Variants in NCOA5 observed in about 807,000 individuals in gnomAD.
NCOA5 encodes the protein nuclear receptor coactivator 5, also known as NCoA-5.
NCOA5 carries 12 observed loss-of-function variants against 59.0 expected under a neutral mutation model. The ratio of observed to expected loss-of-function variants is 0.20; its 90% CI spans 0.13 to 0.33. The LOEUF is 0.33. Ranked by LOEUF, NCOA5 falls within the 10% of genes least tolerant of loss-of-function variation. The pLI is 1.00. For synonymous variants in NCOA5, 270 were observed against 275.5 expected (o/e 0.98, Z 0.20); for missense variants, 655 against 766.6 (o/e 0.85, Z 1.72).
At position 46,089,842 on chromosome 20, in the gene NCOA5, C is replaced by A. The variant is rs1020587121; in HGVS notation, c.-55G>T. ...CGCTACCAGCGCGGCGGGCTCCCGG[C>A]CGCTCCTTCGCCTCAGGCCCGCCGC... On this transcript the variant is annotated 5_prime_UTR_variant, in exon 1 of 8. Transcript: ENST00000290231. 6.6e-6 allele frequency: 1 copy of A among 152,216 alleles called. No homozygotes were observed. Among genetic ancestry groups the A allele is most frequent in the Non-Finnish European group, 1.5e-5 (1 of 68,074 alleles). The allele number at this position is 152,216 out of a possible 1,614,324, so 9.4% of individuals were successfully genotyped here.
chr20:46,067,618 GTTC>G (rs906860958), intron 4 of NCOA5, among the ~76,000 whole-genome samples: 6 of 150,474 alleles, frequency 4.0e-5, no homozygotes, highest in Non-Finnish European at 8.9e-5. Flanking sequence ...AAATTTAAAA[GTTC>G]TTTTTTTAAA....
intron 1 of NCOA5, among the ~76,000 whole-genome samples, 168 bp downstream of exon 1, chr20:46,089,649 C>T (rs978963364): frequency 6.6e-6 from 1 of 152,020 alleles, no homozygotes; most frequent in African/African-American, 2.4e-5. Flanking sequence ...CGGCCGCGCC[C>T]CGCACCGGGC....
At chr20:46,082,445 G>C (rs2085001656) in intron 1 of NCOA5, among the ~76,000 whole-genome samples, 1 of 152,158 alleles carries the variant, frequency 6.6e-6, no homozygotes, top group South Asian at 2.1e-4. Context: ...CAACAAGAGG[G>C]AAGTGGCAAC....
chr20:46,074,224 A>G (rs991159624), intron 2 of NCOA5, among the ~76,000 whole-genome samples: 5 of 152,144 alleles, frequency 3.3e-5, no homozygotes, highest in Non-Finnish European at 5.9e-5. Context: ...TGGCCCCAAC[A>G]TATTTTTCAA....
intron 4 of NCOA5, among the ~76,000 whole-genome samples, chr20:46,067,808 A>C (rs1221277842): frequency 6.6e-6 from 1 of 152,162 alleles, no homozygotes; most frequent in Non-Finnish European, 1.5e-5. Flanking sequence ...GCTGTTAGGT[A>C]AAAGTTATAA....
At chr20:46,089,519 A>T (rs910035073) in intron 1 of NCOA5, among the ~76,000 whole-genome samples, 15 of 152,156 alleles carry the variant, frequency 9.9e-5, no homozygotes, top group African/African-American at 3.6e-4. Flanking sequence ...GAGGACTCCT[A>T]GTGACCGACC....
chr20:46,066,983 G>A (rs1392305357), intron 5 of NCOA5, 72 bp downstream of exon 5: 3 of 1,534,974 alleles, frequency 2.0e-6, no homozygotes, highest in Non-Finnish European at 2.7e-6. Flanking sequence ...TCAGTGGATA[G>A]AGGTGCTAAA....
At chr20:46,085,817 C>T (rs937578207) in intron 1 of NCOA5, among the ~76,000 whole-genome samples, 4 of 152,060 alleles carry the variant, frequency 2.6e-5, no homozygotes, top group African/African-American at 4.8e-5. Flanking sequence ...AACTGAACTA[C>T]CACAGAGTCT....
intron 1 of NCOA5, among the ~76,000 whole-genome samples, chr20:46,083,482 G>A (rs901231151): frequency 1.6e-4 from 24 of 152,184 alleles, no homozygotes; most frequent in Non-Finnish European, 3.5e-4. Context: ...ATGAGGTGTT[G>A]CCCTATTCTA....
At chr20:46,067,281 T>C in intron 4 of NCOA5, 100 bp from the exon 5 acceptor site, 1 of 1,347,544 alleles carries the variant, frequency 7.4e-7, no homozygotes, top group Non-Finnish European at 1.0e-6. Context: ...GAATCAATCC[T>C]CTGGTCTATC....
chr20:46,062,297 G>C lies in NCOA5; in HGVS notation c.*3C>G, dbSNP rs1568874292. ...GGACTGGGGAGAGTTGAAAGATTTA[G>C]CTTCAGTAATGCCTCTGGTAAGATC... On this transcript the variant is annotated 3_prime_UTR_variant, in exon 8 of 8. Transcript: ENST00000290231. 5.6e-6 allele frequency: 9 copies of C among 1,608,256 alleles called. No homozygotes were observed. Among genetic ancestry groups the C allele is most frequent in the Non-Finnish European group, 7.7e-6 (9 of 1,176,330 alleles).
At chr20:46,068,461 G>T in intron 4 of NCOA5, 41 bp downstream of exon 4, 1 of 1,575,010 alleles carries the variant, frequency 6.3e-7, no homozygotes, top group Non-Finnish European at 8.6e-7. Flanking sequence ...TTTGTAAAGT[G>T]TTCTATCAAT....
In NCOA5 at chr20:46,065,160, T is replaced by C; in HGVS notation, c.698A>G (p.Asn233Ser). ...LGMVVDLIFL[N>S]TEVSLSQALE... ...GGCTTGTGACAGTGACACTTCTGTG[T>C]TAAGGAAGATCAAGTCCACTACCAT... Residue 233 changes from asparagine to serine, a missense_variant, in exon 6 of 8, where the codon AAC becomes AGC. Around this residue, in one of 3 missense-constraint regions of NCOA5, gnomAD observed 80 missense variants for 153.3 expected, o/e 0.52. Coordinates refer to ENST00000290231, the MANE Select transcript of NCOA5 (RefSeq NM_020967.3). 1 of 1,614,162 alleles carries C rather than the reference T, an allele frequency of 6.2e-7. No homozygotes were observed. The highest frequency in any genetic ancestry group is 8.5e-7 in the Non-Finnish European group (1 of 1,180,028).
At chr20:46,082,790 G>T (rs2085005155) in intron 1 of NCOA5, among the ~76,000 whole-genome samples, 1 of 152,064 alleles carries the variant, frequency 6.6e-6, no homozygotes, top group African/African-American at 2.4e-5. Flanking sequence ...TACATACAAG[G>T]AAAAGAACTG....
At chr20:46,075,920 G>A (rs2084933543) in intron 2 of NCOA5, among the ~76,000 whole-genome samples, 1 of 152,170 alleles carries the variant, frequency 6.6e-6, no homozygotes, top group Non-Finnish European at 1.5e-5. Context: ...GCTTGGCTGG[G>A]CCAATATTGT....
At position 46,063,550 on chromosome 20, in the gene NCOA5, G is replaced by A; in HGVS notation, c.960C>T (p.Ala320=). The A allele has an allele frequency of 1.2e-6, 2 of 1,614,194 alleles. No homozygotes were observed. The highest frequency in any genetic ancestry group is 1.1e-5 in the South Asian group (1 of 91,086). Residue 320 remains alanine (A), a synonymous_variant, in exon 7 of 8, where the codon GCC becomes GCT. Transcript: ENST00000290231. ...CTCCTCTCTCTCTTTCCTGCAGGAT[G>A]GCTTCATCGGCCATCTTGGCTGCCT... The part of the protein sequence containing the change: ...ARQAAKMADE[A]ILQERERGGP...
chr20:46,062,569 C>T lies in NCOA5; in HGVS notation c.1471G>A (p.Gly491Arg). The change falls in exon 8 of 8, where the codon GGA becomes AGA. Residue 491 changes from glycine to arginine, a missense_variant. Transcript: ENST00000290231. ...GGGCCCATGTTCTGAGCAGATCCTCCCTGTCCCAAAATGCTTGGAGGCTGA... is the reference window on the plus strand; with the variant it reads ...GGGCCCATGTTCTGAGCAGATCCTCTCTGTCCCAAAATGCTTGGAGGCTGA... Reference protein sequence around the residue: ...GNQPPSILGQGGSAQNMGPRP... With the variant: ...GNQPPSILGQRGSAQNMGPRP... 1.2e-6 allele frequency: 2 copies of T among 1,614,228 alleles called. No homozygotes were observed. Among genetic ancestry groups the T allele is most frequent in the African/African-American group, 1.3e-5 (1 of 75,052 alleles).
chr20:46,068,928 C>G (rs561552192), intron 3 of NCOA5, among the ~76,000 whole-genome samples: 4 of 152,180 alleles, frequency 2.6e-5, no homozygotes, highest in African/African-American at 7.2e-5. Flanking sequence ...TATATCTAAA[C>G]GCATATAACA....
intron 3 of NCOA5, among the ~76,000 whole-genome samples, chr20:46,069,916 A>C (rs1411924274): frequency 1.3e-5 from 2 of 152,136 alleles, no homozygotes; most frequent in Admixed American, 6.5e-5. Context: ...TTAACTTTTT[A>C]AGGAACTGCC....
Sources: gnomAD v4.1 joint callset for allele counts (sites outside exome capture counted in the v4.1 genomes callset) on GRCh38, gnomAD v4.1.1 for gene constraint, gnomAD v4.1.1 regional missense constraint, MANE v1.5 for transcripts, NCBI Gene and HGNC (gene_info 2026-07-23, HGNC 2026-07-21) for gene names.